NDST3: variants seen among roughly 807,000 people sequenced by gnomAD.
The protein encoded by NDST3 is N-deacetylase and N-sulfotransferase 3, also known as bifunctional heparan sulfate N-deacetylase/N-sulfotransferase 3.
A neutral mutation model predicts 96.1 loss-of-function variants in NDST3; 58 were observed. The ratio of observed to expected loss-of-function variants is 0.60; its 90% confidence interval spans 0.49 to 0.75. The LOEUF (loss-of-function observed/expected upper bound fraction) is 0.75. Among genes scored for constraint, NDST3 ranks in the 30% least tolerant of loss-of-function variants. The probability of loss-of-function intolerance (pLI) is 0.00; values close to 1 mark genes in which losing one functional copy is unlikely to be tolerated. For missense variants in NDST3, 788 were observed against 1,034.2 expected (o/e 0.76, Z 3.27); for synonymous variants, 333 against 359.7 (o/e 0.93, Z 0.84).
intron 2 of NDST3, among the ~76,000 whole-genome samples, chr4:118,103,884 T>G (rs17593877): frequency 0.06 from 9,192 of 152,256 alleles, 320 homozygotes; most frequent in Middle Eastern, 0.082. Context: ...AACTTACCAT[T>G]GGCTAGATGA....
chr4:118,141,200 G>A (rs187822804), intron 5 of NDST3, among the ~76,000 whole-genome samples: 147 of 152,200 alleles, frequency 9.7e-4, no homozygotes, highest in East Asian at 7.7e-4. Flanking sequence ...GGGGTTCATC[G>A]GCATCTCAAA....
intron 5 of NDST3, among the ~76,000 whole-genome samples, chr4:118,140,065 AC>A (rs1265267041): frequency 6.6e-6 from 1 of 152,098 alleles, no homozygotes; most frequent in Non-Finnish European, 1.5e-5. Flanking sequence ...CCCTTCAGGT[AC>A]CTGAAAACCA....
intron 2 of NDST3, among the ~76,000 whole-genome samples, chr4:118,085,122 A>AAACAAC (rs10682796): frequency 1.3e-4 from 20 of 150,696 alleles, no homozygotes; most frequent in South Asian, 4.2e-4. Flanking sequence ...GACTCCGTAA[A>AAACAAC]AACAACAACA....
chr4:118,105,062 T>C lies in NDST3; in HGVS notation c.1026T>C (p.Asn342=). The change falls in exon 3 of 14, where the codon AAT becomes AAC. Residue 342 remains asparagine, a synonymous_variant. Transcript: ENST00000296499. Reference sequence around the variant, plus strand: ...ATCTTTTGCGTGCACAAATCACAAATTTTACATTCAACCTGGGATTTTCAG... The same window carrying C: ...ATCTTTTGCGTGCACAAATCACAAACTTTACATTCAACCTGGGATTTTCAG... ...TQNLLRAQIT[N]FTFNLGFSGK... is the part of the protein sequence containing the mutation. 1 of 1,613,486 alleles carries C rather than the reference T, an allele frequency of 6.2e-7. No homozygotes were observed. Among genetic ancestry groups the C allele is most frequent in the Non-Finnish European group, 8.5e-7 (1 of 1,179,660 alleles).
intron 1 of NDST3, among the ~76,000 whole-genome samples, chr4:118,047,169 T>C (rs146171535): frequency 4.2e-3 from 643 of 152,304 alleles, no homozygotes; most frequent in African/African-American, 0.014. Context: ...TATACACCCC[T>C]GTGAAACCAA....
chr4:118,140,159 G>A (rs984995148), intron 5 of NDST3, among the ~76,000 whole-genome samples: 1 of 152,070 alleles, frequency 6.6e-6, no homozygotes, highest in African/African-American at 2.4e-5. Context: ...TAGTATTGCT[G>A]TTACCATGCC....
intron 6 of NDST3, among the ~76,000 whole-genome samples, chr4:118,145,040 T>C (rs902082784): frequency 1.3e-5 from 2 of 152,220 alleles, no homozygotes; most frequent in Non-Finnish European, 2.9e-5. Context: ...ATTTGGACTT[T>C]TGAAAGTTTA....
At chr4:118,125,706 T>A (rs1366493025) in intron 4 of NDST3, among the ~76,000 whole-genome samples, 2 of 152,098 alleles carry the variant, frequency 1.3e-5, no homozygotes, top group Non-Finnish European at 2.9e-5. Flanking sequence ...AGTGACTACT[T>A]GTACAACCCC....
intron 12 of NDST3, among the ~76,000 whole-genome samples, chr4:118,245,787 A>C (rs1389995544): frequency 6.6e-6 from 1 of 152,088 alleles, no homozygotes; most frequent in Non-Finnish European, 1.5e-5. Flanking sequence ...TGTCCTATAT[A>C]TCTCTCTCTC....
At chr4:118,193,968 TG>T in intron 6 of NDST3, 1 of 979,114 alleles carries the variant, frequency 1.0e-6, no homozygotes, top group Non-Finnish European at 1.6e-6. Flanking sequence ...TCTTTCACTG[TG>T]GTGCTCTGCT....
intron 3 of NDST3, among the ~76,000 whole-genome samples, chr4:118,107,483 A>G (rs1187047990): frequency 6.6e-6 from 1 of 152,166 alleles, no homozygotes; most frequent in East Asian, 1.9e-4. Context: ...ACCATATAGA[A>G]AAAGCTCTCA....
Position 118,071,212 on chromosome 4 carries a change from G to A in NDST3, c.981+16321G>A, listed in dbSNP as rs546963083. On this transcript the variant is annotated intron_variant, in intron 2 of 13. Coordinates refer to ENST00000296499, the MANE Select transcript of NDST3 (RefSeq NM_004784.3). ...TGTGCATGTGTCTTTATAGCAGCAT[G>A]ATTTATAATCGTTGACCTCAACCAT... is the stretch of plus-strand genomic sequence containing the variant. Among the ~76,000 whole-genome samples the A allele has an allele frequency of 2.1e-3, 325 of 152,124 alleles. 1 individual carries two copies. Among genetic ancestry groups the A allele is most frequent in the Middle Eastern group, 3.4e-3 (1 of 294 alleles).
intron 6 of NDST3, among the ~76,000 whole-genome samples, chr4:118,177,461 C>G (rs1287926455): frequency 6.6e-6 from 1 of 151,948 alleles, no homozygotes; most frequent in Admixed American, 6.6e-5. Context: ...TATCAGTTTT[C>G]ATTTGGATAA....
intron 12 of NDST3, among the ~76,000 whole-genome samples, chr4:118,251,970 G>GT (rs35284850): frequency 1.3e-5 from 2 of 152,164 alleles, no homozygotes; most frequent in Non-Finnish European, 2.9e-5. Flanking sequence ...AAGTTTTGTA[G>GT]TTTTAAGTGT....
chr4:118,040,294 G>A (rs1044432921), intron 1 of NDST3, among the ~76,000 whole-genome samples: 6 of 152,192 alleles, frequency 3.9e-5, no homozygotes, highest in Non-Finnish European at 7.3e-5. Context: ...GAGGAAGGAG[G>A]TCTGAGTTAT....
intron 2 of NDST3, among the ~76,000 whole-genome samples, chr4:118,100,730 C>CTTGTTAAGTCACCTCTTTAGCTCT (rs1305089785): frequency 2.0e-5 from 3 of 152,192 alleles, no homozygotes; most frequent in Admixed American, 6.5e-5. Context: ...ATCCAAAATC[C>CTTGTTAAGTCACCTCTTTAGCTCT]TTGTTAAGTC....
intron 1 of NDST3, among the ~76,000 whole-genome samples, chr4:118,047,197 CA>C (rs1222959542): frequency 1.3e-5 from 2 of 152,212 alleles, no homozygotes; most frequent in East Asian, 3.8e-4. Context: ...AATTCAGCCA[CA>C]AATAAAGGCC....
chr4:118,176,730 G>C (rs1487639309), intron 6 of NDST3, among the ~76,000 whole-genome samples: 1 of 151,924 alleles, frequency 6.6e-6, no homozygotes, highest in Non-Finnish European at 1.5e-5. Flanking sequence ...CTAATTGATA[G>C]AACAAAAAAG....
intron 12 of NDST3, among the ~76,000 whole-genome samples, chr4:118,246,919 T>C (rs1415787448): frequency 1.3e-5 from 2 of 152,134 alleles, no homozygotes; most frequent in Non-Finnish European, 2.9e-5. Context: ...ATATCACAAA[T>C]GTTGGCAAAT....
Sources: allele counts gnomAD v4.1 joint callset (sites outside exome capture counted in the v4.1 genomes callset), GRCh38; gene constraint gnomAD v4.1.1; transcripts MANE v1.5; gene names NCBI Gene and HGNC (gene_info 2026-07-23, HGNC 2026-07-21).